The following RBPJ variants were observed in gnomAD, a reference collection of about 807,000 sequenced individuals.
RBPJ encodes the protein recombination signal binding protein for immunoglobulin kappa J region.
Under a neutral mutation model 67.8 loss-of-function variants are expected in RBPJ, and 9 were observed. The ratio of observed to expected loss-of-function variants is 0.13; its 90% confidence interval spans 0.08 to 0.23. RBPJ has a LOEUF of 0.23. Among genes scored for constraint, RBPJ ranks in the 10% least tolerant of loss-of-function variants. The pLI, the probability that RBPJ is intolerant of heterozygous loss-of-function variation, is 1.00. For missense variants in RBPJ, 305 were observed against 595.6 expected, an observed-to-expected ratio of 0.51 and a Z score of 5.08; for synonymous variants, 198 against 203.3, an observed-to-expected ratio of 0.97 and a Z score of 0.22.
At chr4:26,187,086 G>C (rs966288933) in intron 1 of RBPJ, among the ~76,000 whole-genome samples, 1 of 152,124 alleles carries the variant, frequency 6.6e-6, no homozygotes, top group Non-Finnish European at 1.5e-5. Flanking sequence ...GCTGGGTGTG[G>C]TGTTGCATAC....
At position 26,337,506 on chromosome 4, in the gene RBPJ, C is replaced by A. The variant is rs73113391; in HGVS notation, c.20+16458C>A. Among the ~76,000 whole-genome samples the A allele has an allele frequency of 2.8e-3, 419 of 151,440 alleles. 1 individual carries two copies. Among genetic ancestry groups the A allele is most frequent in the African/African-American group, 9.8e-3 (403 of 41,224 alleles). ...AGGTGTGGCTCCCCATGCTTACTGGCTGCTTTGAGGTTGTTTCCAACTTTT... is the reference window on the plus strand; with the variant it reads ...AGGTGTGGCTCCCCATGCTTACTGGATGCTTTGAGGTTGTTTCCAACTTTT... On this transcript the variant is annotated intron_variant, in intron 1 of 10. Coordinates refer to ENST00000355476, the MANE Select transcript of RBPJ (RefSeq NM_015874.6).
At chr4:26,206,043 T>G (rs1718159347) in intron 1 of RBPJ, among the ~76,000 whole-genome samples, 1 of 152,202 alleles carries the variant, frequency 6.6e-6, no homozygotes, top group African/African-American at 2.4e-5. Flanking sequence ...CATATAGTCT[T>G]ATACCTAAAA....
At chr4:26,230,277 C>T (rs1719231974) in intron 1 of RBPJ, among the ~76,000 whole-genome samples, 1 of 151,970 alleles carries the variant, frequency 6.6e-6, no homozygotes, top group Non-Finnish European at 1.5e-5. Context: ...GTTGACTGAC[C>T]TTCCTACATG....
intron 1 of RBPJ, among the ~76,000 whole-genome samples, chr4:26,211,636 G>C (rs981221034): frequency 1.3e-5 from 2 of 152,152 alleles, no homozygotes; most frequent in Non-Finnish European, 1.5e-5. Flanking sequence ...AGTGGATACA[G>C]CGGTGGGAAC....
At chr4:26,305,771 CTTT>C (rs71276617) in intron 1 of RBPJ, among the ~76,000 whole-genome samples, 17 of 67,768 alleles carry the variant, frequency 2.5e-4, no homozygotes, top group African/African-American at 9.3e-4. Context: ...ATTTTCTTTT[CTTT>C]TTTTTTTTTT....
At chr4:26,237,923 A>T (rs1039067474) in intron 1 of RBPJ, among the ~76,000 whole-genome samples, 2 of 152,168 alleles carry the variant, frequency 1.3e-5, no homozygotes, top group African/African-American at 4.8e-5. Flanking sequence ...ATGTTGACCA[A>T]GCTGATTTTG....
At chr4:26,341,982 T>TG (rs578111982) in intron 1 of RBPJ, among the ~76,000 whole-genome samples, 8 of 152,202 alleles carry the variant, frequency 5.3e-5, no homozygotes, top group Non-Finnish European at 1.0e-4. Context: ...AAAACTAGGC[T>TG]GCCCAAAGCA....
intron 1 of RBPJ, among the ~76,000 whole-genome samples, chr4:26,203,019 A>T (rs374067586): frequency 0.12 from 18,487 of 149,332 alleles, 1,481 homozygotes; most frequent in South Asian, 0.19. Context: ...AAAAGAAAAG[A>T]AAAGAGAAGA....
intron 1 of RBPJ, among the ~76,000 whole-genome samples, chr4:26,234,684 CTTATTTATTTAT>C (rs56961547): frequency 5.5e-4 from 83 of 151,562 alleles, no homozygotes; most frequent in African/African-American, 2.0e-3. Context: ...ATCTTATTTT[CTTATTTATTTAT>C]TTATTTATTT....
intron 1 of RBPJ, among the ~76,000 whole-genome samples, chr4:26,258,671 G>GA (rs111768386): frequency 0.11 from 16,216 of 152,152 alleles, 2,704 homozygotes; most frequent in African/African-American, 0.35. Flanking sequence ...CTTTGTAAGT[G>GA]TAATACTAGT....
upstream of RBPJ, among the ~76,000 whole-genome samples, chr4:26,316,607 C>T (rs1722643602): frequency 7.3e-6 from 1 of 136,066 alleles, no homozygotes; most frequent in South Asian, 2.2e-4. Context: ...TATATATATA[C>T]ACATATTGAT....
intron 1 of RBPJ, among the ~76,000 whole-genome samples, chr4:26,302,355 T>C (rs184615682): frequency 6.6e-6 from 1 of 152,322 alleles, no homozygotes; most frequent in Non-Finnish European, 1.5e-5. Context: ...TTTAAGGTGT[T>C]CTTTTCTATT....
chr4:26,136,253 A>G, the RBPJ span, among the ~76,000 whole-genome samples: 1 of 152,178 alleles, frequency 6.6e-6, no homozygotes. Context: ...ACCCAGCTTC[A>G]CAATCCAGGG....
chr4:26,402,890 TTCAGA>T (rs1732989060), intron 2 of RBPJ, among the ~76,000 whole-genome samples: 4 of 152,176 alleles, frequency 2.6e-5, no homozygotes, highest in Non-Finnish European at 4.4e-5. Context: ...CCAGGGGCAC[TTCAGA>T]GTTGACTTTT....
At chr4:26,248,563 A>T (rs965633900) in intron 1 of RBPJ, among the ~76,000 whole-genome samples, 2 of 152,208 alleles carry the variant, frequency 1.3e-5, no homozygotes, top group Non-Finnish European at 2.9e-5. Context: ...TTTTGTAGCC[A>T]GTACAAATTT....
intron 1 of RBPJ, among the ~76,000 whole-genome samples, chr4:26,347,623 C>CTCTTTTAAGAGCAGT: frequency 6.6e-6 from 1 of 152,278 alleles, no homozygotes; most frequent in South Asian, 2.1e-4. Flanking sequence ...GAGTATGCAA[C>CTCTTTTAAGAGCAGT]TCTTTTAAGA....
intron 1 of RBPJ, among the ~76,000 whole-genome samples, chr4:26,269,991 C>T (rs1396327808): frequency 1.3e-5 from 2 of 151,946 alleles, no homozygotes; most frequent in Non-Finnish European, 2.9e-5. Context: ...TGGGAAATTG[C>T]TGGTATGGGG....
chr4:26,249,097 C>G (rs937093987), intron 1 of RBPJ, among the ~76,000 whole-genome samples: 1 of 151,944 alleles, frequency 6.6e-6, no homozygotes, highest in Non-Finnish European at 1.5e-5. Context: ...TATACAATAA[C>G]TATTTGTTGA....
At chr4:26,319,994 C>T, upstream of RBPJ, 2 of 988,782 alleles carry the variant, frequency 2.0e-6, no homozygotes, top group Non-Finnish European at 3.0e-6. Context: ...AAGCGCGATT[C>T]GGGCAGCCGG....
Sources: allele counts gnomAD v4.1 joint callset (sites outside exome capture counted in the v4.1 genomes callset), GRCh38; gene constraint gnomAD v4.1.1; transcripts MANE v1.5; gene names NCBI Gene and HGNC (gene_info 2026-07-23, HGNC 2026-07-21).